The following RUSF1 variants were observed in gnomAD, a reference collection of about 807,000 sequenced individuals.
RUSF1 encodes the protein RUS1 family protein C16orf58.
A neutral mutation model predicts 63.0 loss-of-function variants in RUSF1; 58 were observed. The ratio of observed to expected loss-of-function variants is 0.92; its 90% CI spans 0.75 to 1.15. The LOEUF (loss-of-function observed/expected upper bound fraction) is 1.15. Among genes scored for constraint, RUSF1 ranks in the 50% most tolerant of loss-of-function variants. The probability of loss-of-function intolerance (pLI) is 0.00; values close to 1 mark genes in which losing one functional copy is unlikely to be tolerated. For synonymous variants in RUSF1, 274 were observed against 255.8 expected, an observed-to-expected ratio of 1.07 and a Z score of -0.68; for missense variants, 652 against 611.0, an observed-to-expected ratio of 1.07 and a Z score of -0.71.
At position 31,507,991 on chromosome 16, in the gene RUSF1, G is replaced by C. The variant is rs1467967225; in HGVS notation, c.300+83C>G. 1.6e-5 allele frequency: 25 copies of C among 1,540,850 alleles called. 1 individual carries two copies. Among genetic ancestry groups the C allele is most frequent in the Non-Finnish European group, 2.1e-5 (24 of 1,141,294 alleles). ...GGCATGTCAGACCCCCCGCCCCCCG[G>C]GCTCCGAGTCTCAGTCACCCGTCCA... On this transcript the variant is annotated intron_variant, in intron 1 of 12. Transcript: ENST00000327237.
chr16:31,508,066 G>T lies in RUSF1; in HGVS notation c.300+8C>A, dbSNP rs754467550. On this transcript the variant is annotated splice_region_variant and intron_variant, in intron 1 of 12. Transcript: ENST00000327237. Reference sequence around the variant, plus strand: ...GCACTGTCCTCTGCCCCAGACGACCGAGCTGACCTGCACGGAATCCCACAG... The same window carrying T: ...GCACTGTCCTCTGCCCCAGACGACCTAGCTGACCTGCACGGAATCCCACAG... The T allele has an allele frequency of 1.3e-6, 2 of 1,598,400 alleles. No homozygotes were observed. The highest frequency in any genetic ancestry group is 2.3e-5 in the South Asian group (2 of 88,456).
At chr16:31,500,607 T>G in intron 3 of RUSF1, 79 bp downstream of exon 3, 1 of 1,506,968 alleles carries the variant, frequency 6.6e-7, no homozygotes, top group South Asian at 1.2e-5. Context: ...CAGCCACAAT[T>G]AATGGCAATA....
Position 31,508,143 on chromosome 16 carries a change from G to A in RUSF1, c.231C>T (p.Phe77=), listed in dbSNP as rs2082671706. ...CGCTATCAGGGAAGCCCTGAGGCAG[G>A]AACACGGCCTGGAGCCCGGAGAGGG... is the stretch of plus-strand genomic sequence containing the variant. ...SPPLSGLQAV[F]LPQGFPDSVS... is the part of the protein sequence containing the mutation. Residue 77 remains phenylalanine, a synonymous_variant, in exon 1 of 13, where the codon TTC becomes TTT. Coordinates refer to ENST00000327237, the MANE Select transcript of RUSF1 (RefSeq NM_022744.4). 1 of 1,596,174 alleles carries A rather than the reference G, an allele frequency of 6.3e-7. No individual in the cohort carries two copies. Among genetic ancestry groups the A allele is most frequent in the Non-Finnish European group, 8.5e-7 (1 of 1,172,226 alleles).
At chr16:31,491,837 A>ATT (rs1365162235) in intron 12 of RUSF1, among the ~76,000 whole-genome samples, 172 bp downstream of exon 12, 1 of 152,050 alleles carries the variant, frequency 6.6e-6, no homozygotes, top group African/African-American at 2.4e-5. Flanking sequence ...GGTCTCAAGC[A>ATT]ATCTGCCCAC....
In RUSF1 at chr16:31,490,457, G is replaced by A. The variant is rs978810285; in HGVS notation, c.*378C>T. On this transcript the variant is annotated 3_prime_UTR_variant, in exon 13 of 13. Coordinates refer to ENST00000327237, the MANE Select transcript of RUSF1 (RefSeq NM_022744.4). Reference sequence around the variant, plus strand: ...GGCTGGAGGACATCAGCGAGGACCCGAGCTGGGCCCGTGTGGTCAACCTCA... The same window carrying A: ...GGCTGGAGGACATCAGCGAGGACCCAAGCTGGGCCCGTGTGGTCAACCTCA... The A allele has an allele frequency of 3.7e-6, 6 of 1,613,902 alleles. No homozygotes were observed. The highest frequency in any genetic ancestry group is 2.2e-5 in the East Asian group (1 of 44,894).
At chr16:31,495,934 A>C (rs1395643487) in intron 6 of RUSF1, among the ~76,000 whole-genome samples, 1 of 152,198 alleles carries the variant, frequency 6.6e-6, no homozygotes, top group Non-Finnish European at 1.5e-5. Flanking sequence ...ATGGAAGAGA[A>C]GGCCAGAAAG....
Position 31,490,118 on chromosome 16 carries a change from C to A in RUSF1, c.*717G>T. 1 of 1,613,974 alleles carries A rather than the reference C, an allele frequency of 6.2e-7. No individual in the cohort carries two copies. Among genetic ancestry groups the A allele is most frequent in the South Asian group, 1.1e-5 (1 of 91,058 alleles). On this transcript the variant is annotated 3_prime_UTR_variant, in exon 13 of 13. Coordinates refer to ENST00000327237, the MANE Select transcript of RUSF1 (RefSeq NM_022744.4). ...ACCCTCCCCAGCTCCACCGCCTGGT[C>A]TTCAGTCTCCGGCATAGCAAGGAGG...
At position 31,493,714 on chromosome 16, in the gene RUSF1, C is replaced by A. The variant is rs937784402; in HGVS notation, c.847G>T (p.Val283Phe). 8 of 1,614,096 alleles carry A rather than the reference C, an allele frequency of 5.0e-6. No homozygotes were observed. The highest frequency in any genetic ancestry group is 5.1e-6 in the Non-Finnish European group (6 of 1,180,060). Residue 283 changes from valine to phenylalanine, a missense_variant, in exon 8 of 13, where the codon GTC (valine) becomes TTC (phenylalanine). By Grantham distance (50) the Val-to-Phe change is conservative. Coordinates refer to ENST00000327237, the MANE Select transcript of RUSF1 (RefSeq NM_022744.4). ...CGGCCTTCGTTCAAGGTCTCCATGACCAGGGCTCGGACCGCGCGGTAGTTG... is the reference window on the plus strand; with the variant it reads ...CGGCCTTCGTTCAAGGTCTCCATGAACAGGGCTCGGACCGCGCGGTAGTTG... ...YANYRAVRAL[V>F]METLNEGRLR... is the part of the protein sequence containing the mutation.
In RUSF1 at chr16:31,507,790, G is replaced by C; in HGVS notation, c.389C>G (p.Ala130Gly). ...GVGNAKATVS[A>G]ATATWLVKDS... Reference sequence around the variant, plus strand: ...TTTCACGAGCCAGGTGGCCGTGGCAGCTGAAACAGTGGCTTTTGCGTTCCC... The same window carrying C: ...TTTCACGAGCCAGGTGGCCGTGGCACCTGAAACAGTGGCTTTTGCGTTCCC... The change falls in exon 2 of 13, where the codon GCT becomes GGT. Residue 130 changes from alanine to glycine, a missense_variant. Physicochemically the swap from Ala to Gly is moderately conservative, Grantham distance 60 (BLOSUM62 0). Transcript: ENST00000327237. The C allele has an allele frequency of 6.4e-7, 1 of 1,572,700 alleles. No individual in the cohort carries two copies.
At chr16:31,491,406 G>A (rs2082567185) in intron 12 of RUSF1, among the ~76,000 whole-genome samples, 1 of 151,190 alleles carries the variant, frequency 6.6e-6, no homozygotes, top group Non-Finnish European at 1.5e-5. Flanking sequence ...TGCAACCTCT[G>A]CCTCCTAGGC....
chr16:31,490,310 G>A lies in RUSF1; in HGVS notation c.*525C>T. The A allele has an allele frequency of 6.2e-7, 1 of 1,612,268 alleles. No homozygotes were observed. Among genetic ancestry groups the A allele is most frequent in the Non-Finnish European group, 8.5e-7 (1 of 1,179,298 alleles). ...CTGCAGGGCCTCAATTTCCCTCAGA[G>A]CCCCAGGCCCCGGCACCAAGCCTCT... is the stretch of plus-strand genomic sequence containing the variant. On this transcript the variant is annotated 3_prime_UTR_variant, in exon 13 of 13. Coordinates refer to ENST00000327237, the MANE Select transcript of RUSF1 (RefSeq NM_022744.4).
chr16:31,493,467 C>T lies in RUSF1; in HGVS notation c.1016G>A (p.Ser339Asn). ...LGVPLHRLVS[S>N]VFELQQLVEG... ...GAGCGGGAGACGCTAGGCCACTCAC[C>T]TGGAGACCAAGCGGTGTAAGGGGAC... Residue 339 changes from serine to asparagine, a missense_variant and splice_region_variant, in exon 9 of 13, where the codon AGT becomes AAT. Physicochemically the swap from Ser to Asn is conservative, Grantham distance 46 (BLOSUM62 1). Transcript: ENST00000327237. The T allele has an allele frequency of 1.9e-6, 3 of 1,602,682 alleles. No homozygotes were observed. The highest frequency in any genetic ancestry group is 2.6e-6 in the Non-Finnish European group (3 of 1,174,608).
intron 5 of RUSF1, among the ~76,000 whole-genome samples, chr16:31,497,797 G>A (rs1395717734): frequency 1.3e-5 from 2 of 152,242 alleles, no homozygotes; most frequent in African/African-American, 2.4e-5. Flanking sequence ...AGGAACGAGG[G>A]ACAAAGTGAG....
chr16:31,496,954 G>C lies in RUSF1; in HGVS notation c.601-4C>G. ...CACCAGCAACACTCACGATGCACTG[G>C]GTGGGAGGGGAAGAGAGAAGGTTGG... On this transcript the variant is annotated splice_region_variant and splice_polypyrimidine_tract_variant and intron_variant, in intron 5 of 12. Transcript: ENST00000327237. The C allele has an allele frequency of 6.3e-7, 1 of 1,597,966 alleles. No individual in the cohort carries two copies. The highest frequency in any genetic ancestry group is 8.5e-7 in the Non-Finnish European group (1 of 1,173,066).
intron 2 of RUSF1, among the ~76,000 whole-genome samples, chr16:31,506,885 G>T (rs8047112): frequency 0.15 from 22,462 of 151,996 alleles, 1,703 homozygotes; most frequent in South Asian, 0.29. Context: ...CACCGTGCCC[G>T]GCCCAGTTTT....
Position 31,490,231 on chromosome 16 carries a change from G to C in RUSF1, c.*604C>G. The C allele has an allele frequency of 6.2e-7, 1 of 1,614,144 alleles. No individual in the cohort carries two copies. Among genetic ancestry groups the C allele is most frequent in the Non-Finnish European group, 8.5e-7 (1 of 1,179,998 alleles). On this transcript the variant is annotated 3_prime_UTR_variant, in exon 13 of 13. Coordinates refer to ENST00000327237, the MANE Select transcript of RUSF1 (RefSeq NM_022744.4). ...CCAGAGAGTGCCATGGAGATGAATG[G>C]TAGGGCACCATGCTGGGAGGTGGGG... is the stretch of plus-strand genomic sequence containing the variant.
At chr16:31,493,549 C>G (rs544553656) in intron 8 of RUSF1, 25 bp from the exon 9 acceptor site, 3 of 1,614,104 alleles carry the variant, frequency 1.9e-6, no homozygotes, top group Admixed American at 3.3e-5. Flanking sequence ...GGTCAGGATG[C>G]CTAGGCAGTG....
At chr16:31,507,211 T>C (rs2082664028) in intron 2 of RUSF1, among the ~76,000 whole-genome samples, 1 of 152,242 alleles carries the variant, frequency 6.6e-6, no homozygotes, top group African/African-American at 2.4e-5. Context: ...TCTGTTCTAT[T>C]TCCCTCTCTG....
chr16:31,490,738 C>CTAAGGAAAAATAAAGCTGCCT lies in RUSF1; in HGVS notation c.*76_*96dup. ...GCCTGGCCCACCCGCTGCAGTTGCC[C>CTAAGGAAAAATAAAGCTGCCT]TAAGGAAAAATAAAGCTGCCTTTCC... On this transcript the variant is annotated 3_prime_UTR_variant, in exon 13 of 13. Coordinates refer to ENST00000327237, the MANE Select transcript of RUSF1 (RefSeq NM_022744.4). 2 of 1,422,462 alleles carry CTAAGGAAAAATAAAGCTGCCT rather than the reference C, an allele frequency of 1.4e-6. No homozygotes were observed. The allele number at this position is 1,422,462 out of a possible 1,614,324, so 88.1% of individuals were successfully genotyped here.
Sources: allele counts gnomAD v4.1 joint callset (sites outside exome capture counted in the v4.1 genomes callset), GRCh38; gene constraint gnomAD v4.1.1; transcripts MANE v1.5; gene names NCBI Gene and HGNC (gene_info 2026-07-23, HGNC 2026-07-21).